CNR1: variants seen among roughly 807,000 people sequenced by gnomAD.
CNR1 encodes the protein cannabinoid receptor 1 (brain).
CNR1 carries 10 observed loss-of-function variants against 23.0 expected under a neutral mutation model. That is an observed-to-expected ratio of 0.43 (90% confidence interval 0.27 to 0.74). CNR1 has a LOEUF of 0.74. Ranked by LOEUF, CNR1 falls within the 30% of genes least tolerant of loss-of-function variation. The pLI is 0.19. For missense variants in CNR1, 422 were observed against 618.8 expected, an observed-to-expected ratio of 0.68 and a Z score of 3.37; for synonymous variants, 271 against 255.2, an observed-to-expected ratio of 1.06 and a Z score of -0.59.
intron 1 of CNR1, among the ~76,000 whole-genome samples, chr6:88,149,914 T>C (rs1159526402): frequency 6.6e-6 from 1 of 152,194 alleles, no homozygotes; most frequent in African/African-American, 2.4e-5. Flanking sequence ...TCTTAAGTGG[T>C]TTACCAGCCT....
At chr6:88,145,958 C>T (rs571072569) in intron 1 of CNR1, among the ~76,000 whole-genome samples, 1 of 152,266 alleles carries the variant, frequency 6.6e-6, no homozygotes, top group Admixed American at 6.5e-5. Context: ...AGATGCTCCT[C>T]AAGACAAGTT....
intron 1 of CNR1, among the ~76,000 whole-genome samples, chr6:88,154,810 C>T (rs146409638): frequency 0.024 from 3,650 of 152,244 alleles, 86 homozygotes; most frequent in Admixed American, 0.087. Context: ...AACACCTGAC[C>T]TCAAGTGATC....
chr6:88,162,136 T>C (rs866033867), intron 1 of CNR1, among the ~76,000 whole-genome samples: 13 of 152,206 alleles, frequency 8.5e-5, no homozygotes, highest in African/African-American at 1.2e-4. Context: ...AAAACAAGAA[T>C]GGCCTCGTTT....
chr6:88,157,405 G>A (rs1282874861), intron 1 of CNR1, among the ~76,000 whole-genome samples: 1 of 152,034 alleles, frequency 6.6e-6, no homozygotes, highest in Non-Finnish European at 1.5e-5. Context: ...TTCTCCTCCT[G>A]CTACAACATT....
At chr6:88,165,489 G>C (rs575915552) in intron 1 of CNR1, among the ~76,000 whole-genome samples, 11 of 152,328 alleles carry the variant, frequency 7.2e-5, no homozygotes, top group Admixed American at 5.2e-4. Flanking sequence ...TGCTAACATG[G>C]TTTATAGGCA....
chr6:88,147,681 C>T (rs1777280753), intron 1 of CNR1: 1 of 152,274 alleles, frequency 6.6e-6, no homozygotes, highest in Non-Finnish European at 1.5e-5. Flanking sequence ...AGGGCGCCTG[C>T]TTTCTGACCA....
Position 88,143,276 on chromosome 6 carries a change from A to G in CNR1, c.*580T>C, listed in dbSNP as rs1486038809. The G allele has an allele frequency of 6.5e-6, 1 of 152,766 alleles. No individual in the cohort carries two copies. Among genetic ancestry groups the G allele is most frequent in the African/African-American group, 2.4e-5 (1 of 41,464 alleles). The allele number at this position is 152,766 out of a possible 1,614,324, so 9.5% of individuals were successfully genotyped here. ...TATTAAGGTTTATTTCTAAAGTTAT[A>G]TCATGGGCAATAATATAGAAAAAAA... On this transcript the variant is annotated 3_prime_UTR_variant, in exon 2 of 2. Coordinates refer to ENST00000369501, the MANE Select transcript of CNR1 (RefSeq NM_016083.6).
rs751314370 is a variant in CNR1, at chr6:88,144,660, G to T, written c.615C>A (p.Gly205=). ...GVTASFTASV[G]SLFLTAIDRY... ...TGTCGATGGCTGTGAGGAACAGGCTGCCCACGGAGGCAGTGAAGGAGGCCG... is the reference window on the plus strand; with the variant it reads ...TGTCGATGGCTGTGAGGAACAGGCTTCCCACGGAGGCAGTGAAGGAGGCCG... Residue 205 remains glycine (G), a synonymous_variant, in exon 2 of 2, where the codon GGC becomes GGA. Coordinates refer to ENST00000369501, the MANE Select transcript of CNR1 (RefSeq NM_016083.6). The surrounding 1 kb of genome is among the most constrained non-coding windows in gnomAD (Gnocchi z 7.8). 23 of 1,614,194 alleles carry T rather than the reference G, an allele frequency of 1.4e-5. No individual in the cohort carries two copies. The highest frequency in any genetic ancestry group is 1.9e-5 in the Non-Finnish European group (22 of 1,180,046).
At chr6:88,162,944 G>A (rs1213594292) in intron 1 of CNR1, 1 of 152,172 alleles carries the variant, frequency 6.6e-6, no homozygotes, top group Non-Finnish European at 1.5e-5. Flanking sequence ...AAAAATAGAA[G>A]AAACAGACTT....
chr6:88,149,640 C>T (rs1777413764), intron 1 of CNR1, among the ~76,000 whole-genome samples: 1 of 152,124 alleles, frequency 6.6e-6, no homozygotes, highest in Non-Finnish European at 1.5e-5. Context: ...TTTGAATACA[C>T]CGTCATACCT....
At chr6:88,163,484 T>C (rs1371085761) in intron 1 of CNR1, among the ~76,000 whole-genome samples, 1 of 152,234 alleles carries the variant, frequency 6.6e-6, no homozygotes, top group East Asian at 1.9e-4. Context: ...TTCCAAACAC[T>C]AATATGCAAG....
intron 1 of CNR1, among the ~76,000 whole-genome samples, chr6:88,145,777 C>A (rs999140123): frequency 6.6e-6 from 1 of 152,192 alleles, no homozygotes; most frequent in African/African-American, 2.4e-5. Context: ...TGTCACATGA[C>A]CCCTACTCTT....
At chr6:88,157,450 A>G (rs952494659) in intron 1 of CNR1, among the ~76,000 whole-genome samples, 1 of 152,234 alleles carries the variant, frequency 6.6e-6, no homozygotes, top group Admixed American at 6.5e-5. Flanking sequence ...TTAAAATACA[A>G]ATAGGAAAAT....
intron 1 of CNR1, among the ~76,000 whole-genome samples, chr6:88,148,391 G>C (rs1236599827): frequency 4.6e-5 from 7 of 152,094 alleles, no homozygotes; most frequent in African/African-American, 1.7e-4. Flanking sequence ...GATCTTACTG[G>C]GGACTTTATC....
chr6:88,163,408 A>T (rs928311790), intron 1 of CNR1, among the ~76,000 whole-genome samples: 1 of 152,246 alleles, frequency 6.6e-6, no homozygotes, highest in Non-Finnish European at 1.5e-5. Context: ...GGTGAACTAT[A>T]AACTGCTATT....
At chr6:88,161,746 C>T (rs899007322) in intron 1 of CNR1, among the ~76,000 whole-genome samples, 1 of 152,128 alleles carries the variant, frequency 6.6e-6, no homozygotes, top group African/African-American at 2.4e-5. Context: ...TGCTTGCTCT[C>T]ACATCAAACA....
upstream of CNR1, among the ~76,000 whole-genome samples, chr6:88,166,771 G>A (rs1254829214): frequency 2.0e-5 from 3 of 148,578 alleles, no homozygotes; most frequent in Admixed American, 6.7e-5. Context: ...CGGGGGTCAC[G>A]TCTGGGGCAG....
At chr6:88,152,304 T>C (rs1450892088) in intron 1 of CNR1, among the ~76,000 whole-genome samples, 1 of 151,724 alleles carries the variant, frequency 6.6e-6, no homozygotes, top group East Asian at 1.9e-4. Flanking sequence ...CTATTTCCTA[T>C]CAAAGCTCAT....
At chr6:88,164,962 TCAA>T (rs1562520294) in intron 1 of CNR1, among the ~76,000 whole-genome samples, 1 of 152,114 alleles carries the variant, frequency 6.6e-6, no homozygotes, top group African/African-American at 2.4e-5. Flanking sequence ...TATCAGGAAA[TCAA>T]CAACAAAGGC....
Sources: allele counts gnomAD v4.1 joint callset (sites outside exome capture counted in the v4.1 genomes callset), GRCh38; gene constraint gnomAD v4.1.1; non-coding constraint Gnocchi (gnomAD v3.1); transcripts MANE v1.5; gene names NCBI Gene and HGNC (gene_info 2026-07-23, HGNC 2026-07-21).